The following KCNQ5 variants were observed in gnomAD, a reference collection of about 807,000 sequenced individuals.
KCNQ5 encodes the protein potassium voltage-gated channel subfamily Q member 5.
KCNQ5 carries 30 observed loss-of-function variants against 98.2 expected under a neutral mutation model. The ratio of observed to expected loss-of-function variants is 0.31; its 90% CI spans 0.23 to 0.41. The LOEUF is 0.41. Among genes scored for constraint, KCNQ5 ranks in the 10% least tolerant of loss-of-function variants. The pLI, the probability that KCNQ5 is intolerant of heterozygous loss-of-function variation, is 1.00. For missense variants in KCNQ5, 835 were observed against 1,182.5 expected, an observed-to-expected ratio of 0.71 and a Z score of 4.31; for synonymous variants, 458 against 449.4, an observed-to-expected ratio of 1.02 and a Z score of -0.24.
chr6:72,783,685 G>A (rs1773598393), intron 1 of KCNQ5, among the ~76,000 whole-genome samples: 1 of 152,092 alleles, frequency 6.6e-6, no homozygotes, highest in Non-Finnish European at 1.5e-5. Context: ...AGAAAAGTAA[G>A]GAACTCTAGT....
chr6:72,715,364 C>G (rs146124116), intron 1 of KCNQ5, among the ~76,000 whole-genome samples: 276 of 152,274 alleles, frequency 1.8e-3, no homozygotes, highest in Middle Eastern at 3.4e-3. Flanking sequence ...TCGGCCAAAT[C>G]CCTAAGGGAA....
At chr6:72,988,788 A>T (rs1225628594) in intron 1 of KCNQ5, among the ~76,000 whole-genome samples, 2 of 101,564 alleles carry the variant, frequency 2.0e-5, no homozygotes, top group African/African-American at 7.7e-5. Context: ...TATATCTCCC[A>T]ATGCTATCCC....
chr6:72,822,252 A>G (rs1453042368), intron 1 of KCNQ5, among the ~76,000 whole-genome samples: 1 of 152,174 alleles, frequency 6.6e-6, no homozygotes, highest in Non-Finnish European at 1.5e-5. Flanking sequence ...AATTTTCCTC[A>G]GAGGAAATGT....
chr6:72,708,574 G>T (rs2154474936), intron 1 of KCNQ5, among the ~76,000 whole-genome samples: 1 of 152,276 alleles, frequency 6.6e-6, no homozygotes, highest in East Asian at 1.9e-4. Context: ...AGGCTGGAGT[G>T]CAGTGCTGCA....
chr6:73,168,798 A>G (rs928937270), intron 10 of KCNQ5, among the ~76,000 whole-genome samples: 2 of 152,210 alleles, frequency 1.3e-5, no homozygotes, highest in Admixed American at 6.5e-5. Flanking sequence ...AAAGTAATAC[A>G]TGTTCATTGG....
intron 1 of KCNQ5, among the ~76,000 whole-genome samples, chr6:72,984,639 C>T (rs928467011): frequency 9.2e-5 from 14 of 152,298 alleles, no homozygotes; most frequent in South Asian, 2.1e-4. Flanking sequence ...GGCTAGGAAA[C>T]GGAAATCCCC....
At chr6:73,123,064 C>G (rs1264367004) in intron 8 of KCNQ5, among the ~76,000 whole-genome samples, 1 of 151,488 alleles carries the variant, frequency 6.6e-6, no homozygotes, top group Admixed American at 6.6e-5. Context: ...AACAATTACT[C>G]ATTGAGCACC....
Position 73,194,744 on chromosome 6 carries a change from A to G in KCNQ5, c.2129A>G (p.His710Arg). 6.2e-7 allele frequency: 1 copy of G among 1,614,276 alleles called. No individual in the cohort carries two copies. Among genetic ancestry groups the G allele is most frequent in the Non-Finnish European group, 8.5e-7 (1 of 1,180,046 alleles). Residue 710 changes from histidine (H) to arginine (R), a missense_variant, in exon 14 of 14, where the codon CAC becomes CGC. His to Arg is a conservative substitution (Grantham distance 29). Around this residue, in one of 10 missense-constraint regions of KCNQ5, gnomAD observed 416 missense variants for 446.9 expected, o/e 0.93. Coordinates refer to ENST00000370398, the MANE Select transcript of KCNQ5 (RefSeq NM_019842.4). Reference sequence around the variant, plus strand: ...TTCTACGCGCTTAGCCCTACTATGCACAGTCAAGCAACACAGGTGCCAATT... The same window carrying G: ...TTCTACGCGCTTAGCCCTACTATGCGCAGTCAAGCAACACAGGTGCCAATT... ...QTFYALSPTMHSQATQVPISQ... is the reference protein window; with the variant it reads ...QTFYALSPTMRSQATQVPISQ...
At chr6:72,637,001 G>A (rs142583950) in intron 1 of KCNQ5, among the ~76,000 whole-genome samples, 14 of 152,312 alleles carry the variant, frequency 9.2e-5, no homozygotes, top group South Asian at 2.1e-4. Flanking sequence ...GCAAGTGGGC[G>A]TTCTGCTCAG....
chr6:73,105,823 T>A (rs1243967935), intron 6 of KCNQ5, among the ~76,000 whole-genome samples: 1 of 152,176 alleles, frequency 6.6e-6, no homozygotes, highest in African/African-American at 2.4e-5. Flanking sequence ...TGTCAGATGA[T>A]TTATTCATTG....
chr6:72,802,122 A>C (rs868574778), intron 1 of KCNQ5, among the ~76,000 whole-genome samples: 2 of 151,818 alleles, frequency 1.3e-5, no homozygotes, highest in Non-Finnish European at 2.9e-5. Context: ...TGCTCTTCTC[A>C]AGGAGTATCT....
rs570267827 is a variant in KCNQ5 at position 72,716,124 on chromosome 6, GT to G, written c.398+93539del. Among the ~76,000 whole-genome samples, 6 of 152,218 alleles carry G rather than the reference GT, an allele frequency of 3.9e-5. 1 individual carries two copies. In the South Asian group the frequency reaches 1.2e-3, roughly 32 times the overall value. ...GTCATTGCTCATCTTGATTATTTAT[GT>G]TGTTTATCATAAGGAATTCCAACTG... is the stretch of plus-strand genomic sequence containing the variant. On this transcript the variant is annotated intron_variant, in intron 1 of 13. Coordinates refer to ENST00000370398, the MANE Select transcript of KCNQ5 (RefSeq NM_019842.4).
intron 1 of KCNQ5, among the ~76,000 whole-genome samples, chr6:72,655,949 C>T (rs946455031): frequency 3.3e-5 from 5 of 152,124 alleles, no homozygotes; most frequent in African/African-American, 4.8e-5. Flanking sequence ...ATATATGGGT[C>T]TTCCAAGATG....
At chr6:73,174,011 C>T (rs1778113934) in intron 11 of KCNQ5, among the ~76,000 whole-genome samples, 1 of 151,120 alleles carries the variant, frequency 6.6e-6, no homozygotes. Context: ...TAAAACAGTG[C>T]AATGCAAAGC....
intron 6 of KCNQ5, among the ~76,000 whole-genome samples, chr6:73,108,800 C>T (rs914090339): frequency 4.6e-5 from 7 of 151,976 alleles, no homozygotes; most frequent in African/African-American, 2.4e-5. Context: ...GCACTCCAGC[C>T]TGGGCAACAG....
intron 1 of KCNQ5, among the ~76,000 whole-genome samples, chr6:72,679,955 T>C (rs879618578): frequency 2.6e-5 from 4 of 152,110 alleles, no homozygotes; most frequent in Non-Finnish European, 5.9e-5. Flanking sequence ...GGAGAATAGC[T>C]TGAACACAGG....
At chr6:73,097,093 T>C (rs796825613) in intron 5 of KCNQ5, among the ~76,000 whole-genome samples, 2 of 148,062 alleles carry the variant, frequency 1.4e-5, no homozygotes, top group African/African-American at 4.9e-5. Flanking sequence ...AATTTTGAAA[T>C]GCACAATACA....
chr6:72,668,805 G>T (rs1766953191), intron 1 of KCNQ5, among the ~76,000 whole-genome samples: 1 of 142,666 alleles, frequency 7.0e-6, no homozygotes, highest in South Asian at 2.6e-4. Context: ...CAGAAAGAGG[G>T]CCTCCTCAGT....
Position 72,764,504 on chromosome 6 carries a change from A to G in KCNQ5, c.398+141917A>G, listed in dbSNP as rs118178707. Reference sequence around the variant, plus strand: ...TTGTGGGTAAGTAGTATGTGTATATATTTACGGGGTACATGAGATGTTTGA... The same window carrying G: ...TTGTGGGTAAGTAGTATGTGTATATGTTTACGGGGTACATGAGATGTTTGA... On this transcript the variant is annotated intron_variant, in intron 1 of 13. Transcript: ENST00000370398. Among the ~76,000 whole-genome samples the G allele has an allele frequency of 7.1e-3, 1,073 of 152,012 alleles. 9 individuals are homozygous for G. Among genetic ancestry groups the G allele is most frequent in the Middle Eastern group, 0.01 (3 of 294 alleles).
Sources: gnomAD v4.1 joint callset for allele counts (sites outside exome capture counted in the v4.1 genomes callset) on GRCh38, gnomAD v4.1.1 for gene constraint, gnomAD v4.1.1 regional missense constraint, MANE v1.5 for transcripts, NCBI Gene and HGNC (gene_info 2026-07-23, HGNC 2026-07-21) for gene names.